SORCS3: variants seen among roughly 807,000 people sequenced by gnomAD.
SORCS3 encodes VPS10 domain-containing receptor SorCS3.
In SORCS3, 57 loss-of-function variants were observed where a neutral mutation model predicts 146.3. That is an observed-to-expected ratio of 0.39 (90% CI 0.31 to 0.49). The LOEUF is 0.49. SORCS3 is among the 20% of genes least tolerant of loss of function. The pLI is 0.92. For missense variants in SORCS3, 1,341 were observed against 1,575.5 expected (o/e 0.85, Z 2.52); for synonymous variants, 653 against 618.5 (o/e 1.06, Z -0.83).
At position 104,866,289 on chromosome 10, in the gene SORCS3, A is replaced by G. The variant is rs189880470; in HGVS notation, c.695+23430A>G. 5.5e-3 allele frequency among the ~76,000 whole-genome samples: 834 copies of G among 152,366 alleles called. 8 individuals carry two copies. Among genetic ancestry groups the G allele is most frequent in the South Asian group, 0.04 (194 of 4,830 alleles). ...CTAGCAGGGTGGATATGTAAAAGACATGTAAAGAGATATGCATTTCTGAAA... is the reference window on the plus strand; with the variant it reads ...CTAGCAGGGTGGATATGTAAAAGACGTGTAAAGAGATATGCATTTCTGAAA... On this transcript the variant is annotated intron_variant, in intron 2 of 26. Transcript: ENST00000369701.
At chr10:104,957,347 G>A (rs2019505700) in intron 3 of SORCS3, among the ~76,000 whole-genome samples, 1 of 152,144 alleles carries the variant, frequency 6.6e-6, no homozygotes, top group Non-Finnish European at 1.5e-5. Flanking sequence ...TGGCAGAAAG[G>A]AGCCTTCTGA....
At chr10:104,647,901 A>G (rs547152454) in intron 1 of SORCS3, among the ~76,000 whole-genome samples, 1 of 152,226 alleles carries the variant, frequency 6.6e-6, no homozygotes, top group Admixed American at 6.5e-5. Context: ...GGACACCCCC[A>G]TAAGACATTC....
chr10:105,026,004 CTT>C (rs1360562245), intron 4 of SORCS3, among the ~76,000 whole-genome samples: 1 of 152,060 alleles, frequency 6.6e-6, no homozygotes, highest in African/African-American at 2.4e-5. Flanking sequence ...ATCTTTGACT[CTT>C]TCTCTCAAAC....
chr10:104,717,531 G>T (rs2016494142), intron 1 of SORCS3, among the ~76,000 whole-genome samples: 1 of 151,888 alleles, frequency 6.6e-6, no homozygotes, highest in African/African-American at 2.4e-5. Context: ...GCTCTTTGTG[G>T]GTCCTTCTCT....
chr10:104,790,855 AT>A (rs2017488463), intron 1 of SORCS3, among the ~76,000 whole-genome samples: 1 of 152,252 alleles, frequency 6.6e-6, no homozygotes, highest in South Asian at 2.1e-4. Flanking sequence ...AGCAATCACT[AT>A]TGAATGAAGC....
chr10:105,161,125 A>G (rs73350895), intron 11 of SORCS3, among the ~76,000 whole-genome samples: 2,832 of 152,264 alleles, frequency 0.019, 94 homozygotes, highest in African/African-American at 0.063. Flanking sequence ...TATGTATCAG[A>G]ATTGCTAATT....
intron 14 of SORCS3, among the ~76,000 whole-genome samples, chr10:105,187,780 T>C (rs2056488779): frequency 6.6e-6 from 1 of 152,202 alleles, no homozygotes; most frequent in Non-Finnish European, 1.5e-5. Flanking sequence ...ATCGATAGCT[T>C]ACTACAAGGC....
chr10:104,824,285 A>C (rs1238566955), intron 1 of SORCS3, among the ~76,000 whole-genome samples: 1 of 152,238 alleles, frequency 6.6e-6, no homozygotes, highest in African/African-American at 2.4e-5. Flanking sequence ...TATGTATGTG[A>C]AGCTCTAGCC....
chr10:104,843,608 G>A (rs2018169513), intron 2 of SORCS3, among the ~76,000 whole-genome samples: 1 of 152,244 alleles, frequency 6.6e-6, no homozygotes, highest in South Asian at 2.1e-4. Context: ...GGACGAGGGA[G>A]AAGAGGGATG....
intron 2 of SORCS3, among the ~76,000 whole-genome samples, chr10:104,888,076 C>T (rs918470721): frequency 2.0e-5 from 3 of 151,900 alleles, no homozygotes; most frequent in Non-Finnish European, 4.4e-5. Context: ...TGTGCTCTCC[C>T]CTTGGACCTC....
intron 1 of SORCS3, among the ~76,000 whole-genome samples, chr10:104,804,354 A>AGAGCATGAAACAGGTTG (rs1474771993): frequency 3.9e-5 from 6 of 152,232 alleles, no homozygotes; most frequent in Admixed American, 3.9e-4. Flanking sequence ...TGAATTGTAG[A>AGAGCATGAAACAGGTTG]GAGCATGAAA....
intron 5 of SORCS3, among the ~76,000 whole-genome samples, chr10:105,077,403 C>T (rs1250975220): frequency 4.0e-5 from 6 of 151,898 alleles, no homozygotes; most frequent in Non-Finnish European, 2.9e-5. Context: ...GCTGGGGAAA[C>T]CAGAAGGATG....
intron 6 of SORCS3, among the ~76,000 whole-genome samples, chr10:105,098,711 T>C (rs937810504): frequency 3.4e-4 from 52 of 152,204 alleles, no homozygotes; most frequent in Admixed American, 1.3e-4. Context: ...ATATAGTTCC[T>C]AGAACACCAA....
intron 1 of SORCS3, among the ~76,000 whole-genome samples, chr10:104,839,832 G>C (rs1333487997): frequency 6.6e-6 from 1 of 152,170 alleles, no homozygotes; most frequent in Non-Finnish European, 1.5e-5. Context: ...AAAGGAGCCA[G>C]AGCAGATTGG....
chr10:104,688,441 G>A (rs752505879), intron 1 of SORCS3, among the ~76,000 whole-genome samples: 38 of 119,588 alleles, frequency 3.2e-4, no homozygotes, highest in African/African-American at 1.1e-3. Flanking sequence ...ATCAGAGCAC[G>A]TTGACTCCAG....
intron 13 of SORCS3, among the ~76,000 whole-genome samples, chr10:105,175,414 C>G (rs951797779): frequency 2.6e-5 from 4 of 152,056 alleles, no homozygotes; most frequent in Non-Finnish European, 4.4e-5. Context: ...GCCTTAAATT[C>G]ACTTTGGCTT....
chr10:104,996,790 T>G (rs1387725048), intron 4 of SORCS3, among the ~76,000 whole-genome samples: 1 of 152,194 alleles, frequency 6.6e-6, no homozygotes, highest in African/African-American at 2.4e-5. Flanking sequence ...AGAGGGATTT[T>G]CAGAGCTAAG....
Position 105,178,127 on chromosome 10 carries a change from G to A in SORCS3, c.1963G>A (p.Val655Ile). 1.2e-6 allele frequency: 2 copies of A among 1,613,610 alleles called. No individual in the cohort carries two copies. The highest frequency in any genetic ancestry group is 2.7e-5 in the African/African-American group (2 of 75,006). Residue 655 changes from valine to isoleucine, a missense_variant, in exon 14 of 27, where the codon GTT (valine) becomes ATT (isoleucine). Val to Ile is a conservative substitution (Grantham distance 29, BLOSUM62 3). Coordinates refer to ENST00000369701, the MANE Select transcript of SORCS3 (RefSeq NM_014978.3). ...KYGFTSVPLFVDGALVEAGME... is the reference protein window; with the variant it reads ...KYGFTSVPLFIDGALVEAGME... ...TGGTTTCACTTCGGTTCCTCTCTTT[G>A]TTGACGGGGCTCTGGTGGAGGCAGG...
intron 1 of SORCS3, among the ~76,000 whole-genome samples, chr10:104,745,076 A>G (rs1483026496): frequency 6.6e-6 from 1 of 152,222 alleles, no homozygotes; most frequent in East Asian, 1.9e-4. Flanking sequence ...AAACATAACA[A>G]TTAGTTGAGG....
Sources: gnomAD v4.1 joint callset for allele counts (sites outside exome capture counted in the v4.1 genomes callset) on GRCh38, gnomAD v4.1.1 for gene constraint, MANE v1.5 for transcripts, NCBI Gene and HGNC (gene_info 2026-07-23, HGNC 2026-07-21) for gene names.